Variants in SETBP1 observed in about 807,000 individuals in gnomAD.
SETBP1 encodes the protein SET binding protein 1.
Under a neutral mutation model 101.0 loss-of-function variants are expected in SETBP1, and 9 were observed. That is an observed-to-expected ratio of 0.09 (90% confidence interval 0.05 to 0.16). The LOEUF is 0.16. SETBP1 is among the 10% of genes least tolerant of loss of function. SETBP1 has a pLI of 1.00. For synonymous variants in SETBP1, 818 were observed against 788.5 expected, an observed-to-expected ratio of 1.04 and a Z score of -0.63; for missense variants, 1,858 against 2,033.8, an observed-to-expected ratio of 0.91 and a Z score of 1.66.
intron 4 of SETBP1, among the ~76,000 whole-genome samples, chr18:44,991,952 T>A (rs2072387385): frequency 6.6e-6 from 1 of 152,100 alleles, no homozygotes; most frequent in Non-Finnish European, 1.5e-5. Context: ...CAAAAGACAA[T>A]TAGATTAAAC....
intron 2 of SETBP1, among the ~76,000 whole-genome samples, chr18:44,832,862 C>G (rs749147427): frequency 2.0e-5 from 3 of 152,200 alleles, no homozygotes; most frequent in Non-Finnish European, 4.4e-5. Flanking sequence ...TCTCAGCTCT[C>G]CCAGTCTTCT....
intron 4 of SETBP1, among the ~76,000 whole-genome samples, chr18:44,980,605 G>A (rs1028459199): frequency 1.3e-5 from 2 of 152,154 alleles, no homozygotes; most frequent in Non-Finnish European, 2.9e-5. Context: ...CTTTGTCAGA[G>A]GAGGGAGAGG....
chr18:44,781,025 A>C (rs2071119106), intron 2 of SETBP1, among the ~76,000 whole-genome samples: 1 of 152,166 alleles, frequency 6.6e-6, no homozygotes, highest in Non-Finnish European at 1.5e-5. Flanking sequence ...GGGGAAACTG[A>C]CAAGGACCAA....
chr18:44,872,537 T>C (rs948471788), intron 3 of SETBP1, among the ~76,000 whole-genome samples: 5 of 152,246 alleles, frequency 3.3e-5, no homozygotes, highest in African/African-American at 1.2e-4. Context: ...TACCCCCTCT[T>C]GCTGGACAAC....
At chr18:44,935,941 A>G (rs571298831) in intron 3 of SETBP1, among the ~76,000 whole-genome samples, 15 of 152,314 alleles carry the variant, frequency 9.8e-5, no homozygotes, top group African/African-American at 2.6e-4. Context: ...TAAGATACCA[A>G]TTCTCAAAGA....
chr18:44,795,120 T>C (rs1319009518), intron 2 of SETBP1, among the ~76,000 whole-genome samples: 1 of 152,198 alleles, frequency 6.6e-6, no homozygotes, highest in Admixed American at 6.5e-5. Flanking sequence ...TGAGGGGATG[T>C]TATTGTGAAT....
At chr18:44,933,858 C>T (rs1456419897) in intron 3 of SETBP1, among the ~76,000 whole-genome samples, 2 of 152,140 alleles carry the variant, frequency 1.3e-5, no homozygotes, top group Non-Finnish European at 2.9e-5. Context: ...CATGGTTTCC[C>T]TTTGCTAGGA....
chr18:44,995,529 T>TGTGTG (rs2072477041), intron 4 of SETBP1, among the ~76,000 whole-genome samples: 9 of 142,876 alleles, frequency 6.3e-5, no homozygotes, highest in East Asian at 2.1e-4. Context: ...GTCCAGGCTT[T>TGTGTG]TGTGTGTGTG....
intron 4 of SETBP1, among the ~76,000 whole-genome samples, chr18:44,985,848 G>A (rs1475777251): frequency 6.6e-6 from 1 of 152,228 alleles, no homozygotes; most frequent in Non-Finnish European, 1.5e-5. Context: ...CAGAGATCCT[G>A]CAGGGGAAGC....
chr18:45,018,674 T>C (rs528977367), intron 4 of SETBP1, among the ~76,000 whole-genome samples: 2 of 152,344 alleles, frequency 1.3e-5, no homozygotes, highest in Non-Finnish European at 2.9e-5. Context: ...CCTTAAGATA[T>C]CTCATTTTAT....
intron 2 of SETBP1, among the ~76,000 whole-genome samples, chr18:44,808,939 G>A (rs530141701): frequency 1.3e-5 from 2 of 152,280 alleles, no homozygotes; most frequent in African/African-American, 2.4e-5. Flanking sequence ...TTAGGTTCCC[G>A]CAGCAGTATA....
At chr18:45,025,871 G>A (rs994961326) in intron 4 of SETBP1, among the ~76,000 whole-genome samples, 4 of 152,144 alleles carry the variant, frequency 2.6e-5, no homozygotes, top group African/African-American at 9.7e-5. Context: ...GGACATGTTG[G>A]GCTAATCTTT....
chr18:45,017,302 C>A (rs1290617332), intron 4 of SETBP1, among the ~76,000 whole-genome samples: 1 of 152,172 alleles, frequency 6.6e-6, no homozygotes, highest in Non-Finnish European at 1.5e-5. Context: ...GCACACAACT[C>A]CAGACCCCAC....
At chr18:44,914,419 C>T (rs1247119239) in intron 3 of SETBP1, among the ~76,000 whole-genome samples, 2 of 152,326 alleles carry the variant, frequency 1.3e-5, no homozygotes, top group African/African-American at 4.8e-5. Flanking sequence ...ATGTCAACAT[C>T]AAAGATTGAA....
intron 2 of SETBP1, among the ~76,000 whole-genome samples, chr18:44,733,570 G>T (rs902475061): frequency 6.6e-6 from 1 of 152,138 alleles, no homozygotes; most frequent in Non-Finnish European, 1.5e-5. Flanking sequence ...GAGATGAGTC[G>T]CAGCTCCAGT....
Position 45,062,792 on chromosome 18 carries a change from C to T in SETBP1, c.4172-287C>T, listed in dbSNP as rs532099407. 8.5e-5 allele frequency among the ~76,000 whole-genome samples: 13 copies of T among 152,294 alleles called. No homozygotes were observed. In the South Asian group the frequency reaches 2.5e-3, roughly 29 times the overall value. On this transcript the variant is annotated intron_variant, in intron 5 of 5. Coordinates refer to ENST00000649279, the MANE Select transcript of SETBP1 (RefSeq NM_015559.3). The stretch of plus-strand genomic sequence containing the variant: ...CAGTTTACCTCCACAGTATGAGCCT[C>T]AGTTTCCACATCTTTACAACGGAAG...
intron 4 of SETBP1, among the ~76,000 whole-genome samples, chr18:44,999,624 G>A (rs985706538): frequency 2.0e-5 from 3 of 152,138 alleles, no homozygotes; most frequent in Non-Finnish European, 4.4e-5. Flanking sequence ...GAGATAACTC[G>A]CAACGACCCT....
intron 2 of SETBP1, among the ~76,000 whole-genome samples, chr18:44,835,963 G>A (rs1424329521): frequency 2.0e-5 from 3 of 152,230 alleles, no homozygotes; most frequent in African/African-American, 7.2e-5. Flanking sequence ...TTGGAATTAA[G>A]GCCTCTTTCT....
Position 45,063,531 on chromosome 18 carries a change from C to A in SETBP1, c.4624C>A (p.Pro1542Thr), listed in dbSNP as rs772589320. Residue 1542 changes from proline (P) to threonine (T), a missense_variant, in exon 6 of 6, where the codon CCC becomes ACC. Physicochemically the swap from Pro to Thr is conservative, Grantham distance 38. Coordinates refer to ENST00000649279, the MANE Select transcript of SETBP1 (RefSeq NM_015559.3). ...PPPPPPLPPP[P>T]PLPKTPRGGK... is the part of the protein sequence containing the mutation. ...GCCGCCACCACCCCTGCCCCCGCCA[C>A]CCCCTCTACCCAAGACCCCCCGAGG... is the stretch of plus-strand genomic sequence containing the variant. The A allele has an allele frequency of 1.4e-6, 2 of 1,379,360 alleles. No individual in the cohort carries two copies. Among genetic ancestry groups the A allele is most frequent in the East Asian group, 5.6e-5 (2 of 35,564 alleles). 85.4% of individuals were successfully genotyped at this position (1,379,360 alleles called of 1,614,324 possible). A position where few individuals can be genotyped will look rare whatever the true frequency, so the allele number is the denominator to read the frequency against.
Sources: allele counts gnomAD v4.1 joint callset (sites outside exome capture counted in the v4.1 genomes callset), GRCh38; gene constraint gnomAD v4.1.1; transcripts MANE v1.5; gene names NCBI Gene and HGNC (gene_info 2026-07-23, HGNC 2026-07-21).